NRG3: variants seen among roughly 807,000 people sequenced by gnomAD.
The protein encoded by NRG3 is neuregulin 3.
A neutral mutation model predicts 66.9 loss-of-function variants in NRG3; 31 were observed. The ratio of observed to expected loss-of-function variants is 0.46; its 90% confidence interval spans 0.35 to 0.63. The LOEUF (loss-of-function observed/expected upper bound fraction) is 0.63, where lower values mean the gene tolerates loss of function less well. Among genes scored for constraint, NRG3 ranks in the 20% least tolerant of loss-of-function variants. The pLI is 0.00. For missense variants in NRG3, 910 were observed against 878.9 expected (o/e 1.04, Z -0.45); for synonymous variants, 393 against 359.4 (o/e 1.09, Z -1.06).
chr10:82,517,567 G>T (rs1845776292), intron 2 of NRG3, among the ~76,000 whole-genome samples: 1 of 151,612 alleles, frequency 6.6e-6, no homozygotes, highest in African/African-American at 2.4e-5. Context: ...TCTTAAGCAG[G>T]ATTTCATTAT....
intron 2 of NRG3, among the ~76,000 whole-genome samples, chr10:82,683,251 G>A (rs527690531): frequency 5.3e-5 from 8 of 151,882 alleles, no homozygotes; most frequent in South Asian, 2.1e-4. Flanking sequence ...CACTGTGCCC[G>A]GCCTCATGTT....
chr10:82,230,345 A>C (rs969148636), intron 1 of NRG3: 1 of 152,148 alleles, frequency 6.6e-6, no homozygotes, highest in Non-Finnish European at 1.5e-5. Context: ...GCCAACTAGA[A>C]CAGGGAATCT....
intron 2 of NRG3, among the ~76,000 whole-genome samples, chr10:82,625,538 T>C (rs1317417234): frequency 6.6e-6 from 1 of 152,192 alleles, no homozygotes; most frequent in Non-Finnish European, 1.5e-5. Flanking sequence ...TCCTTCTTAA[T>C]GTAGGGCCCA....
chr10:82,194,539 G>A (rs2074345758), intron 1 of NRG3, among the ~76,000 whole-genome samples: 1 of 152,044 alleles, frequency 6.6e-6, no homozygotes, highest in African/African-American at 2.4e-5. Context: ...CATGGATTCG[G>A]GAAGGTCAGT....
chr10:82,829,796 A>G (rs2062425204), intron 3 of NRG3, among the ~76,000 whole-genome samples: 1 of 152,144 alleles, frequency 6.6e-6, no homozygotes, highest in Admixed American at 6.5e-5. Context: ...GGTGGAACAG[A>G]TTACTAACAA....
intron 1 of NRG3, among the ~76,000 whole-genome samples, chr10:82,283,080 T>A (rs1436228045): frequency 6.6e-6 from 1 of 152,010 alleles, no homozygotes; most frequent in East Asian, 1.9e-4. Flanking sequence ...CAACACGAGT[T>A]CTCCTGTCTT....
chr10:81,902,237 G>A (rs1285573503), intron 1 of NRG3, among the ~76,000 whole-genome samples: 1 of 152,160 alleles, frequency 6.6e-6, no homozygotes, highest in Non-Finnish European at 1.5e-5. Context: ...TCTAAATAAA[G>A]GAAAGGGAAA....
intron 2 of NRG3, among the ~76,000 whole-genome samples, chr10:82,455,850 C>T (rs2091243879): frequency 6.6e-6 from 1 of 152,026 alleles, no homozygotes; most frequent in Admixed American, 6.6e-5. Context: ...TATCTCCTGA[C>T]CTCTTGATCC....
chr10:82,387,035 A>T (rs1253113947), intron 2 of NRG3, among the ~76,000 whole-genome samples: 1 of 152,136 alleles, frequency 6.6e-6, no homozygotes, highest in East Asian at 1.9e-4. Flanking sequence ...CCTGACTTCA[A>T]GTGATCTGCC....
intron 1 of NRG3, among the ~76,000 whole-genome samples, chr10:82,040,710 T>C (rs956579004): frequency 6.6e-6 from 1 of 152,012 alleles, no homozygotes; most frequent in Non-Finnish European, 1.5e-5. Context: ...AAGCCAGGCA[T>C]TCAATCCATA....
intron 2 of NRG3, among the ~76,000 whole-genome samples, chr10:82,557,042 G>C (rs2044698708): frequency 6.6e-6 from 1 of 152,116 alleles, no homozygotes; most frequent in African/African-American, 2.4e-5. Context: ...GTCTGTCATT[G>C]ATGGGCGTTG....
rs540212488 is a variant in NRG3 at position 82,794,105 on chromosome 10, C to A, written c.1027+55455C>A. Reference sequence around the variant, plus strand: ...TTTCTTGATTTTAGCCCAATTATCTCTCTGATTTTCTATTTTTCTCTTTGT... The same window carrying A: ...TTTCTTGATTTTAGCCCAATTATCTATCTGATTTTCTATTTTTCTCTTTGT... On this transcript the variant is annotated intron_variant, in intron 3 of 8. Transcript: ENST00000372141. Among the ~76,000 whole-genome samples the A allele has an allele frequency of 3.3e-5, 5 of 152,260 alleles. No homozygotes were observed. In the East Asian group the frequency reaches 9.7e-4, roughly 29 times the overall value.
At position 81,901,319 on chromosome 10, in the gene NRG3, G is replaced by T. The variant is rs538850315; in HGVS notation, c.823+25156G>T. Among the ~76,000 whole-genome samples the T allele has an allele frequency of 3.3e-5, 5 of 152,298 alleles. No homozygotes were observed. In the East Asian group the frequency reaches 9.7e-4, roughly 29 times the overall value. The stretch of plus-strand genomic sequence containing the variant: ...CAGCACTGAAAGTAAAGTGAACAAG[G>T]GTTATGTGGTCAACATGTGTGATTT... On this transcript the variant is annotated intron_variant, in intron 1 of 8. Coordinates refer to ENST00000372141, the MANE Select transcript of NRG3 (RefSeq NM_001010848.4).
intron 1 of NRG3, among the ~76,000 whole-genome samples, chr10:81,886,329 C>T (rs1842610587): frequency 6.6e-6 from 1 of 152,058 alleles, no homozygotes; most frequent in Non-Finnish European, 1.5e-5. Context: ...GTTTTTGTTA[C>T]TGTAATTGGG....
At chr10:82,440,179 T>G (rs187818372) in intron 2 of NRG3, among the ~76,000 whole-genome samples, 1 of 152,140 alleles carries the variant, frequency 6.6e-6, no homozygotes, top group Non-Finnish European at 1.5e-5. Flanking sequence ...AACATGATTT[T>G]CTGTTGAAAA....
intron 1 of NRG3, among the ~76,000 whole-genome samples, chr10:82,002,711 A>G (rs1356975219): frequency 6.6e-6 from 1 of 152,174 alleles, no homozygotes; most frequent in Non-Finnish European, 1.5e-5. Context: ...AACATTCACA[A>G]ATAGCTGTCA....
intron 2 of NRG3, among the ~76,000 whole-genome samples, chr10:82,470,234 A>G (rs1370049507): frequency 2.0e-5 from 3 of 152,232 alleles, no homozygotes; most frequent in Non-Finnish European, 4.4e-5. Context: ...TGCAGTAAAG[A>G]TATCTTTCAG....
At chr10:82,255,467 T>G (rs2077674611) in intron 1 of NRG3, among the ~76,000 whole-genome samples, 1 of 152,192 alleles carries the variant, frequency 6.6e-6, no homozygotes, top group Non-Finnish European at 1.5e-5. Context: ...ATACACCATA[T>G]TAACGTAGGA....
At chr10:82,337,952 G>C (rs910391660) in intron 1 of NRG3, among the ~76,000 whole-genome samples, 1 of 152,096 alleles carries the variant, frequency 6.6e-6, no homozygotes, top group Non-Finnish European at 1.5e-5. Context: ...AAAGAAAATA[G>C]TTGGCTATGG....
Sources: gnomAD v4.1 joint callset for allele counts (sites outside exome capture counted in the v4.1 genomes callset) on GRCh38, gnomAD v4.1.1 for gene constraint, MANE v1.5 for transcripts, NCBI Gene and HGNC (gene_info 2026-07-23, HGNC 2026-07-21) for gene names.